EFR3B: variants seen among roughly 807,000 people sequenced by gnomAD.
EFR3B encodes protein EFR3 homolog B.
A neutral mutation model predicts 104.7 loss-of-function variants in EFR3B; 64 were observed. That is an observed-to-expected ratio of 0.61 (90% CI 0.50 to 0.75). The LOEUF is 0.75. Among genes scored for constraint, EFR3B ranks in the 30% least tolerant of loss-of-function variants. EFR3B has a pLI of 0.00. For missense variants in EFR3B, 750 were observed against 1,078.5 expected (o/e 0.70, Z 4.27); for synonymous variants, 385 against 417.9 (o/e 0.92, Z 0.96).
At chr2:25,095,420 G>A (rs561486333) in intron 3 of EFR3B, among the ~76,000 whole-genome samples, 2 of 152,286 alleles carry the variant, frequency 1.3e-5, no homozygotes, top group Non-Finnish European at 2.9e-5. Flanking sequence ...TACTGGCCAG[G>A]TGCGGTGGCT....
chr2:25,072,499 C>G (rs557616056), intron 1 of EFR3B, among the ~76,000 whole-genome samples: 2 of 152,294 alleles, frequency 1.3e-5, no homozygotes, highest in South Asian at 4.1e-4. Context: ...CTGCGCTGGT[C>G]TTGAACTCCT....
intron 4 of EFR3B, among the ~76,000 whole-genome samples, chr2:25,107,196 A>G (rs970673686): frequency 6.6e-6 from 1 of 152,090 alleles, no homozygotes; most frequent in African/African-American, 2.4e-5. Flanking sequence ...CCTTGATTCC[A>G]AAGTGTGGCA....
chr2:25,080,283 C>CTTTTTTTATTTTTTTTTTTTTTTTT, intron 1 of EFR3B: 1 of 154,476 alleles, frequency 6.5e-6, no homozygotes, highest in South Asian at 5.6e-5. Flanking sequence ...CTCCCCAAAG[C>CTTTTTTTATTTTTTTTTTTTTTTTT]TTTTTTTTTT....
intron 15 of EFR3B, 39 bp from the exon 16 acceptor site, chr2:25,139,020 C>T: frequency 6.4e-7 from 1 of 1,551,116 alleles, no homozygotes. Flanking sequence ...TGTAGTCTGT[C>T]AGTGAAAAAC....
chr2:25,052,205 A>AAAATAAAT (rs747082111), intron 1 of EFR3B, among the ~76,000 whole-genome samples: 1 of 151,898 alleles, frequency 6.6e-6, no homozygotes, highest in African/African-American at 2.4e-5. Context: ...TCAAAAAATA[A>AAAATAAAT]AAATAAATAA....
At chr2:25,064,665 C>T (rs951537690) in intron 1 of EFR3B, among the ~76,000 whole-genome samples, 14 of 152,136 alleles carry the variant, frequency 9.2e-5, no homozygotes, top group African/African-American at 2.2e-4. Context: ...AATGCCTCGA[C>T]GTGCCAAGTA....
chr2:25,135,325 G>A (rs1414508305), intron 12 of EFR3B, 142 bp from the exon 13 acceptor site: 8 of 932,822 alleles, frequency 8.6e-6, no homozygotes, highest in Admixed American at 2.6e-5. Context: ...TGCCTGGGCT[G>A]TAGGGTAGGG....
At chr2:25,135,797 A>C (rs1670501021) in intron 13 of EFR3B, among the ~76,000 whole-genome samples, 158 bp downstream of exon 13, 1 of 152,132 alleles carries the variant, frequency 6.6e-6, no homozygotes, top group South Asian at 2.1e-4. Flanking sequence ...AGTGAGACTC[A>C]CCAGGAGTTG....
At chr2:25,113,422 ACGC>A (rs1669775700) in intron 4 of EFR3B, among the ~76,000 whole-genome samples, 2 of 152,282 alleles carry the variant, frequency 1.3e-5, no homozygotes, top group Non-Finnish European at 2.9e-5. Context: ...GCGGGGGCTC[ACGC>A]CTGTAATCCC....
chr2:25,118,969 A>G (rs12992354), intron 4 of EFR3B, among the ~76,000 whole-genome samples: 38,151 of 151,830 alleles, frequency 0.25, 5,789 homozygotes, highest in Admixed American at 0.42. Context: ...AGTGAACATT[A>G]ATTTTGGCCA....
chr2:25,153,329 G>A (rs1302153205), intron 21 of EFR3B, among the ~76,000 whole-genome samples: 2 of 152,060 alleles, frequency 1.3e-5, no homozygotes, highest in Non-Finnish European at 2.9e-5. Context: ...ACTCCAGCCT[G>A]GGTAACAGAG....
At chr2:25,058,359 GAA>G (rs951746333) in intron 1 of EFR3B, 1 of 152,200 alleles carries the variant, frequency 6.6e-6, no homozygotes, top group Non-Finnish European at 1.5e-5. Context: ...AGAAGCATAT[GAA>G]AAGATGCTCA....
chr2:25,058,622 G>T (rs900075328), intron 1 of EFR3B, among the ~76,000 whole-genome samples: 1 of 152,050 alleles, frequency 6.6e-6, no homozygotes, highest in Non-Finnish European at 1.5e-5. Context: ...AGCCAGGCAT[G>T]GTGGCGAGTG....
chr2:25,089,168 G>C (rs944203716), intron 1 of EFR3B, among the ~76,000 whole-genome samples: 3 of 152,152 alleles, frequency 2.0e-5, no homozygotes, highest in African/African-American at 7.2e-5. Context: ...GAACTGAGTT[G>C]GTGTCCCCAG....
At chr2:25,098,819 G>C (rs1277151325) in intron 3 of EFR3B, among the ~76,000 whole-genome samples, 1 of 145,766 alleles carries the variant, frequency 6.9e-6, no homozygotes, top group Non-Finnish European at 1.5e-5. Context: ...TTCCACTCCT[G>C]GTAAGTAGCC....
intron 5 of EFR3B, among the ~76,000 whole-genome samples, chr2:25,124,590 A>G (rs1181144156): frequency 6.6e-6 from 1 of 151,890 alleles, no homozygotes; most frequent in Non-Finnish European, 1.5e-5. Flanking sequence ...TACAAAAAAA[A>G]TTAGCCAGGC....
At chr2:25,140,113 G>A (rs1489638866) in intron 16 of EFR3B, among the ~76,000 whole-genome samples, 1 of 152,160 alleles carries the variant, frequency 6.6e-6, no homozygotes, top group Non-Finnish European at 1.5e-5. Flanking sequence ...AGGAGTTCGA[G>A]ACCAGCCTGG....
intron 1 of EFR3B, chr2:25,080,078 C>A: frequency 1.1e-6 from 1 of 900,314 alleles, no homozygotes; most frequent in Non-Finnish European, 1.9e-6. Context: ...GTAACCCCCA[C>A]AACAGGTATT....
intron 1 of EFR3B, among the ~76,000 whole-genome samples, chr2:25,056,396 G>C (rs938232689): frequency 1.3e-5 from 2 of 150,628 alleles, no homozygotes; most frequent in Admixed American, 1.3e-4. Flanking sequence ...GTATAATTAC[G>C]GATAAGTCTC....
Sources: allele counts gnomAD v4.1 joint callset (sites outside exome capture counted in the v4.1 genomes callset), GRCh38; gene constraint gnomAD v4.1.1; transcripts MANE v1.5; gene names NCBI Gene and HGNC (gene_info 2026-07-23, HGNC 2026-07-21).